Variants in SIL1 observed in about 807,000 individuals in gnomAD.
The protein encoded by SIL1 is SIL1 nucleotide exchange factor, also known as nucleotide exchange factor SIL1.
In SIL1, 40 loss-of-function variants were observed where a neutral mutation model predicts 49.1. The ratio of observed to expected loss-of-function variants is 0.81; its 90% CI spans 0.63 to 1.06. The LOEUF is 1.06. SIL1 is among the 50% of genes least tolerant of loss of function. The pLI is 0.00. For synonymous variants in SIL1, 253 were observed against 250.8 expected (o/e 1.01, Z -0.08); for missense variants, 500 against 572.6 (o/e 0.87, Z 1.29).
intron 3 of SIL1, among the ~76,000 whole-genome samples, chr5:139,116,593 G>A (rs1770994312): frequency 6.6e-6 from 1 of 152,224 alleles, no homozygotes; most frequent in South Asian, 2.1e-4. Flanking sequence ...CAAGGAAAGG[G>A]AGGTAGCAAA....
chr5:139,039,935 G>A (rs1017957742), intron 5 of SIL1, among the ~76,000 whole-genome samples: 7 of 152,104 alleles, frequency 4.6e-5, no homozygotes, highest in African/African-American at 1.4e-4. Context: ...AAGGAACTCC[G>A]GGAAAGACTG....
intron 7 of SIL1, among the ~76,000 whole-genome samples, chr5:138,960,734 C>T (rs889492264): frequency 9.2e-5 from 14 of 152,284 alleles, no homozygotes; most frequent in South Asian, 8.3e-4. Flanking sequence ...GGATTACAGG[C>T]GTGAGCCACG....
chr5:139,057,329 G>GAAAAAAAAAAAAAAAA (rs953514942), intron 3 of SIL1, among the ~76,000 whole-genome samples: 1 of 99,984 alleles, frequency 1.0e-5, no homozygotes, highest in Non-Finnish European at 2.1e-5. Context: ...AAAAAAAAAA[G>GAAAAAAAAAAAAAAAA]AAAAGAAAAG....
In SIL1 at chr5:139,121,109, T is replaced by C; in HGVS notation, c.170A>G (p.Lys57Arg). Residue 57 changes from lysine (K) to arginine (R), a missense_variant, in exon 3 of 10, where the codon AAA (lysine) becomes AGA (arginine). By Grantham distance (26) the Lys-to-Arg change is conservative. Transcript: ENST00000394817. ...TTCGGCATCCAGCTCCTCCTCGGCTTTGGTTTCTTTTCTCTCTGTTTCTTT... is the reference window on the plus strand; with the variant it reads ...TTCGGCATCCAGCTCCTCCTCGGCTCTGGTTTCTTTTCTCTCTGTTTCTTT... ...STKETERKET[K>R]AEEELDAEVL... The C allele has an allele frequency of 1.2e-6, 2 of 1,614,240 alleles. No homozygotes were observed. Among genetic ancestry groups the C allele is most frequent in the Non-Finnish European group, 8.5e-7 (1 of 1,180,044 alleles).
intron 7 of SIL1, among the ~76,000 whole-genome samples, chr5:139,000,411 G>C (rs1308374094): frequency 6.6e-6 from 1 of 152,068 alleles, no homozygotes; most frequent in Non-Finnish European, 1.5e-5. Context: ...TTGGTGCAAG[G>C]ATAGAAAAAG....
intron 1 of SIL1, among the ~76,000 whole-genome samples, chr5:139,140,677 G>A (rs921407039): frequency 2.0e-5 from 3 of 152,048 alleles, no homozygotes; most frequent in South Asian, 2.1e-4. Flanking sequence ...GAGAAAATCC[G>A]GGCACCTTCT....
chr5:138,966,137 C>T (rs1767133140), intron 7 of SIL1, among the ~76,000 whole-genome samples: 1 of 152,080 alleles, frequency 6.6e-6, no homozygotes, highest in Admixed American at 6.5e-5. Flanking sequence ...TAATTTTCAA[C>T]AAGTTCAATA....
chr5:139,084,705 A>G (rs1326526044), intron 3 of SIL1, among the ~76,000 whole-genome samples: 1 of 144,358 alleles, frequency 6.9e-6, no homozygotes, highest in Non-Finnish European at 1.5e-5. Context: ...TAGTGGGTGC[A>G]GCGCACCAGC....
At chr5:139,031,692 G>T (rs1407795439) in intron 5 of SIL1, among the ~76,000 whole-genome samples, 1 of 152,160 alleles carries the variant, frequency 6.6e-6, no homozygotes, top group African/African-American at 2.4e-5. Flanking sequence ...CATTCAGAGA[G>T]AGTTAACATT....
At chr5:139,153,498 T>C (rs1751348542) in intron 1 of SIL1, among the ~76,000 whole-genome samples, 1 of 152,242 alleles carries the variant, frequency 6.6e-6, no homozygotes, top group African/African-American at 2.4e-5. Context: ...TGAGATGATT[T>C]AGAGTCTCTG....
At chr5:139,186,463 C>T (rs1017313524) in intron 1 of SIL1, among the ~76,000 whole-genome samples, 1 of 152,076 alleles carries the variant, frequency 6.6e-6, no homozygotes, top group Non-Finnish European at 1.5e-5. Context: ...AAATCTAGAC[C>T]ACAAATATGC....
At chr5:139,158,366 G>C (rs899817211) in intron 1 of SIL1, among the ~76,000 whole-genome samples, 1 of 152,212 alleles carries the variant, frequency 6.6e-6, no homozygotes, top group African/African-American at 2.4e-5. Context: ...AATGTTCTTA[G>C]AATTCTGTCT....
intron 7 of SIL1, among the ~76,000 whole-genome samples, chr5:139,008,440 G>GT (rs1270657003): frequency 2.5e-5 from 3 of 120,202 alleles, no homozygotes; most frequent in Non-Finnish European, 3.4e-5. Context: ...TTTTTGAAGG[G>GT]TTTTTTGTGT....
intron 1 of SIL1, among the ~76,000 whole-genome samples, chr5:139,177,364 T>G (rs1015312803): frequency 2.0e-5 from 3 of 152,028 alleles, no homozygotes. Context: ...CTCAGCCTCC[T>G]GAGTAGCTGG....
At position 139,048,014 on chromosome 5, in the gene SIL1, C is replaced by T. The variant is rs543049213; in HGVS notation, c.353+2924G>A. Among the ~76,000 whole-genome samples, 22 of 152,252 alleles carry T rather than the reference C, an allele frequency of 1.4e-4. 1 individual carries two copies. Among genetic ancestry groups the T allele is most frequent in the Admixed American group, 1.1e-3 (17 of 15,292 alleles). ...GATATGAGTAACAGACAAAGCAGTACGTGTTCACACTGATAATCTATAGTC... is the reference window on the plus strand; with the variant it reads ...GATATGAGTAACAGACAAAGCAGTATGTGTTCACACTGATAATCTATAGTC... On this transcript the variant is annotated intron_variant, in intron 4 of 9. Transcript: ENST00000394817.
chr5:139,187,823 C>T (rs1190154846), intron 1 of SIL1: 1 of 152,136 alleles, frequency 6.6e-6, no homozygotes, highest in Non-Finnish European at 1.5e-5. Flanking sequence ...ATTGTAATCC[C>T]TAATATTGGA....
At chr5:139,141,831 A>G (rs1247515052) in intron 1 of SIL1, among the ~76,000 whole-genome samples, 1 of 152,210 alleles carries the variant, frequency 6.6e-6, no homozygotes, top group Non-Finnish European at 1.5e-5. Flanking sequence ...GAAATGTTAA[A>G]TATCTGAGAA....
rs571667311 is a variant in SIL1 at position 139,113,060 on chromosome 5, G to C, written c.244+7975C>G. On this transcript the variant is annotated intron_variant, in intron 3 of 9. Coordinates refer to ENST00000394817, the MANE Select transcript of SIL1 (RefSeq NM_022464.5). ...CTCAGGGTTAAATGGATTAAGGGTG[G>C]TGCAAGATGTGCTTTGTTAAACAGA... 2.8e-4 allele frequency among the ~76,000 whole-genome samples: 42 copies of C among 152,220 alleles called. 1 individual carries two copies. The South Asian group carries it at 3.1e-3, about 11-fold the overall frequency.
At chr5:139,088,985 A>T (rs1346432936) in intron 3 of SIL1, among the ~76,000 whole-genome samples, 7 of 152,194 alleles carry the variant, frequency 4.6e-5, no homozygotes, top group Non-Finnish European at 1.0e-4. Flanking sequence ...CTATCTCAGC[A>T]TCGGCTTCAG....
Sources: gnomAD v4.1 joint callset for allele counts (sites outside exome capture counted in the v4.1 genomes callset) on GRCh38, gnomAD v4.1.1 for gene constraint, MANE v1.5 for transcripts, NCBI Gene and HGNC (gene_info 2026-07-23, HGNC 2026-07-21) for gene names.